Variants in DOCK4 observed in about 807,000 individuals in gnomAD.
DOCK4 encodes dedicator of cytokinesis 4.
In DOCK4, 97 loss-of-function variants were observed where a neutral mutation model predicts 268.1. That is an observed-to-expected ratio of 0.36 (90% CI 0.31 to 0.43). DOCK4 has a LOEUF of 0.43. Ranked by LOEUF, DOCK4 falls within the 20% of genes least tolerant of loss-of-function variation. The pLI is 1.00. For missense variants in DOCK4, 2,145 were observed against 2,455.7 expected (o/e 0.87, Z 2.67); for synonymous variants, 954 against 887.2 (o/e 1.08, Z -1.34).
chr7:112,092,242 C>T lies in DOCK4; in HGVS notation c.38-88111G>A, dbSNP rs147504433. On this transcript the variant is annotated intron_variant, in intron 1 of 52. Transcript: ENST00000428084. ...CATCTTCCCTCTTGTTTATCCACCA[C>T]GCAGTATGTTTGCCACACTGGTCTT... Among the ~76,000 whole-genome samples, 256 of 152,300 alleles carry T rather than the reference C, an allele frequency of 1.7e-3. 2 individuals carry two copies. The highest frequency in any genetic ancestry group is 5.8e-3 in the African/African-American group (239 of 41,562).
At chr7:112,120,430 G>C (rs1563104160) in intron 1 of DOCK4, among the ~76,000 whole-genome samples, 1 of 152,090 alleles carries the variant, frequency 6.6e-6, no homozygotes, top group South Asian at 2.1e-4. Context: ...ACATTGTCTG[G>C]ATTAGTAATC....
chr7:112,175,908 T>C (rs913363132), intron 1 of DOCK4, among the ~76,000 whole-genome samples: 3 of 152,206 alleles, frequency 2.0e-5, no homozygotes, highest in African/African-American at 7.2e-5. Context: ...ATAGTTTGAA[T>C]TCATTCTGGG....
chr7:111,890,483 CTAAGT>C (rs1808200199), intron 16 of DOCK4, among the ~76,000 whole-genome samples: 1 of 152,120 alleles, frequency 6.6e-6, no homozygotes, highest in African/African-American at 2.4e-5. Context: ...CTAATGATAA[CTAAGT>C]TATTTTACTT....
At chr7:112,137,840 G>A (rs1270097573) in intron 1 of DOCK4, among the ~76,000 whole-genome samples, 1 of 152,140 alleles carries the variant, frequency 6.6e-6, no homozygotes, top group Non-Finnish European at 1.5e-5. Flanking sequence ...TATAATTTTA[G>A]TTTTCTCATC....
At chr7:112,019,583 T>TA (rs746846560) in intron 1 of DOCK4, among the ~76,000 whole-genome samples, 223 of 152,244 alleles carry the variant, frequency 1.5e-3, no homozygotes, top group Non-Finnish European at 1.7e-3. Context: ...ACACTGACCA[T>TA]AGGCCATCAA....
At position 111,728,644 on chromosome 7, in the gene DOCK4, G is replaced by A. The variant is rs1794838511; in HGVS notation, c.5558C>T (p.Ser1853Leu). 2 of 1,613,988 alleles carry A rather than the reference G, an allele frequency of 1.2e-6. No individual in the cohort carries two copies. The highest frequency in any genetic ancestry group is 1.1e-5 in the South Asian group (1 of 91,076). ...AGAAATCCCACTGCTGTAGCTGCCC[G>A]ACAAGACAGGGGAGTTGGAGATGAG... ...PGLISNSPVL[S>L]GSYSSGISSL... Residue 1853 changes from serine (S) to leucine (L), a missense_variant, in exon 53 of 53, where the codon TCG becomes TTG. By Grantham distance (145) the Ser-to-Leu change is moderately radical (BLOSUM62 -2). Around this residue, in one of 2 missense-constraint regions of DOCK4, gnomAD observed 547 missense variants for 469.0 expected, o/e 1.17. Coordinates refer to ENST00000428084, the MANE Select transcript of DOCK4 (RefSeq NM_001363540.2).
intron 26 of DOCK4, among the ~76,000 whole-genome samples, chr7:111,828,795 T>C (rs1802585375): frequency 6.6e-6 from 1 of 151,576 alleles, no homozygotes; most frequent in South Asian, 2.1e-4. Context: ...AATAAGGTAG[T>C]GGGCTATATA....
At chr7:112,045,714 A>G (rs1804768664) in intron 1 of DOCK4, among the ~76,000 whole-genome samples, 1 of 152,230 alleles carries the variant, frequency 6.6e-6, no homozygotes, top group African/African-American at 2.4e-5. Context: ...CAAGTTAGGA[A>G]TGAATAAATT....
At chr7:111,937,271 C>T (rs1411652291) in intron 11 of DOCK4, among the ~76,000 whole-genome samples, 1 of 152,148 alleles carries the variant, frequency 6.6e-6, no homozygotes, top group Non-Finnish European at 1.5e-5. Context: ...CAGGCACTTT[C>T]CCATGTTTGA....
intron 26 of DOCK4, among the ~76,000 whole-genome samples, chr7:111,832,379 A>G (rs1312452648): frequency 1.3e-5 from 2 of 151,768 alleles, no homozygotes; most frequent in Non-Finnish European, 2.9e-5. Context: ...TTGCCTGATT[A>G]CTCCCCTACA....
rs1290065272 is a variant in DOCK4 at position 111,736,975 on chromosome 7, A to G, written c.5247T>C (p.Asn1749=). 10 of 1,603,790 alleles carry G rather than the reference A, an allele frequency of 6.2e-6. No homozygotes were observed. The highest frequency in any genetic ancestry group is 8.5e-6 in the Non-Finnish European group (10 of 1,175,102). Reference sequence around the variant, plus strand: ...GTGGCAAGGCCCCGTCTCCAATATGATTAAACAGCATCCTCTGCAAAGTTA... The same window carrying G: ...GTGGCAAGGCCCCGTCTCCAATATGGTTAAACAGCATCCTCTGCAAAGTTA... ...PVEPSQRMLF[N]HIGDGALPRS... Residue 1749 remains asparagine (N), a synonymous_variant, in exon 50 of 53, where the codon AAT becomes AAC. Coordinates refer to ENST00000428084, the MANE Select transcript of DOCK4 (RefSeq NM_001363540.2).
intron 1 of DOCK4, among the ~76,000 whole-genome samples, chr7:112,037,972 T>C (rs1401321450): frequency 6.6e-6 from 1 of 152,202 alleles, no homozygotes; most frequent in Non-Finnish European, 1.5e-5. Context: ...ACCTCCTAAT[T>C]TTTTATGATA....
At chr7:111,912,409 G>A (rs963457582) in intron 13 of DOCK4, among the ~76,000 whole-genome samples, 1 of 152,056 alleles carries the variant, frequency 6.6e-6, no homozygotes, top group Admixed American at 6.6e-5. Context: ...GTAGACAAAA[G>A]GGCAGAAGCT....
At chr7:112,131,297 C>T (rs1813773257) in intron 1 of DOCK4, among the ~76,000 whole-genome samples, 1 of 152,084 alleles carries the variant, frequency 6.6e-6, no homozygotes, top group Non-Finnish European at 1.5e-5. Context: ...GTATATGCAG[C>T]CATGTGATTC....
intron 1 of DOCK4, among the ~76,000 whole-genome samples, chr7:112,032,337 C>T (rs950210054): frequency 3.3e-5 from 5 of 152,128 alleles, no homozygotes; most frequent in African/African-American, 1.2e-4. Flanking sequence ...TAAGGTGCTG[C>T]TTATTTTAAA....
Position 111,788,712 on chromosome 7 carries a change from C to G in DOCK4, c.3351G>C (p.Leu1117=), listed in dbSNP as rs548719991. The change falls in exon 32 of 53, where the codon CTG becomes CTC. Residue 1117 remains leucine (L), a synonymous_variant. Transcript: ENST00000428084. ...TTTCGTCACCTTTGCCTTCTGACAT[C>G]AGGCTATCCAGTTTGTCAATTAGCT... ...EAKLIDKLDS[L]MSEGKGDETY... 6.3e-7 allele frequency: 1 copy of G among 1,593,368 alleles called. No homozygotes were observed. The highest frequency in any genetic ancestry group is 1.3e-5 in the African/African-American group (1 of 74,680).
At position 112,175,727 on chromosome 7, in the gene DOCK4, A is replaced by G. The variant is rs1818454157; in HGVS notation, c.37+30375T>C. Among the ~76,000 whole-genome samples, 3 of 152,314 alleles carry G rather than the reference A, an allele frequency of 2.0e-5. No individual in the cohort carries two copies. The South Asian group carries it at 6.2e-4, about 32-fold the overall frequency. On this transcript the variant is annotated intron_variant, in intron 1 of 52. Transcript: ENST00000428084. ...TTTAAAATTTATCTCTTAATGAGACATATGAGATTCTTTTTCCAATTAAGT... is the reference window on the plus strand; with the variant it reads ...TTTAAAATTTATCTCTTAATGAGACGTATGAGATTCTTTTTCCAATTAAGT...
chr7:112,196,172 T>A (rs938251514), intron 1 of DOCK4, among the ~76,000 whole-genome samples: 10 of 152,098 alleles, frequency 6.6e-5, no homozygotes, highest in African/African-American at 2.4e-4. Flanking sequence ...AGGACTGAGC[T>A]AAAAATAAAG....
At chr7:111,849,288 A>T (rs1586165977) in intron 23 of DOCK4, among the ~76,000 whole-genome samples, 1 of 132,012 alleles carries the variant, frequency 7.6e-6, no homozygotes, top group Non-Finnish European at 1.6e-5. Flanking sequence ...TTTGAGACGG[A>T]GTCTTGCTCT....
Sources: gnomAD v4.1 joint callset for allele counts (sites outside exome capture counted in the v4.1 genomes callset) on GRCh38, gnomAD v4.1.1 for gene constraint, gnomAD v4.1.1 regional missense constraint, MANE v1.5 for transcripts, NCBI Gene and HGNC (gene_info 2026-07-23, HGNC 2026-07-21) for gene names.